The following TSTD2 variants were observed in gnomAD, a reference collection of about 807,000 sequenced individuals.
The protein encoded by TSTD2 is thiosulfate sulfurtransferase/rhodanese-like domain-containing protein 2.
In TSTD2, 37 loss-of-function variants were observed where a neutral mutation model predicts 47.9. The ratio of observed to expected loss-of-function variants is 0.77; its 90% CI spans 0.59 to 1.02. The LOEUF (loss-of-function observed/expected upper bound fraction) is 1.02. Ranked by LOEUF, TSTD2 falls within the 50% of genes least tolerant of loss-of-function variation. The pLI, the probability that TSTD2 is intolerant of heterozygous loss-of-function variation, is 0.00. For synonymous variants in TSTD2, 201 were observed against 215.9 expected (o/e 0.93, Z 0.61); for missense variants, 586 against 616.0 (o/e 0.95, Z 0.52).
At chr9:97,602,923 ACCAC>A (rs750064345) in intron 9 of TSTD2, 156 bp from the exon 10 acceptor site, 194 of 646,754 alleles carry the variant, frequency 3.0e-4, no homozygotes, top group Non-Finnish European at 4.5e-4. Context: ...ACAACAACTA[ACCAC>A]CACCCCCACC....
chr9:97,619,020 G>C (rs1826587809), intron 3 of TSTD2, among the ~76,000 whole-genome samples: 1 of 152,182 alleles, frequency 6.6e-6, no homozygotes, highest in Admixed American at 6.5e-5. Context: ...TAAATTCCCT[G>C]AAGTGTGGGG....
Position 97,601,178 on chromosome 9 carries a change from C to T in TSTD2, c.*1291G>A, listed in dbSNP as rs927580601. The T allele has an allele frequency of 1.5e-6, 2 of 1,297,028 alleles. No homozygotes were observed. The highest frequency in any genetic ancestry group is 1.5e-5 in the African/African-American group (1 of 65,492). The allele number at this position is 1,297,028 out of a possible 1,614,324, so 80.3% of individuals were successfully genotyped here. On this transcript the variant is annotated 3_prime_UTR_variant, in exon 10 of 10. Transcript: ENST00000341170. ...AGGGACAACCATCCCCATTTGGCTT[C>T]TCCTTAAAACACAATTGCAGCTGCA... is the stretch of plus-strand genomic sequence containing the variant.
chr9:97,618,986 T>C (rs547461802), intron 3 of TSTD2, among the ~76,000 whole-genome samples: 2 of 152,360 alleles, frequency 1.3e-5, no homozygotes, highest in East Asian at 3.9e-4. Context: ...ATGTGTCTTT[T>C]TCGTTGTTTT....
At position 97,604,878 on chromosome 9, in the gene TSTD2, AAAC is replaced by A. The variant is rs1826339300; in HGVS notation, c.1114-16_1114-14del. 2 of 1,612,294 alleles carry A rather than the reference AAAC, an allele frequency of 1.2e-6. No homozygotes were observed. Among genetic ancestry groups the A allele is most frequent in the Non-Finnish European group, 1.7e-6 (2 of 1,179,344 alleles). On this transcript the variant is annotated splice_polypyrimidine_tract_variant and intron_variant, in intron 8 of 9. Transcript: ENST00000341170. ...CCTTGCACACTCCCTAGGTGTGGAA[AAAC>A]AACAGGAAATCTGAAGAGCCAGCAG...
chr9:97,605,373 G>T, intron 8 of TSTD2, 110 bp downstream of exon 8: 2 of 1,368,564 alleles, frequency 1.5e-6, no homozygotes, highest in Non-Finnish European at 2.0e-6. Flanking sequence ...GGCATGCTTT[G>T]GCTGCCTGGG....
rs1217636564 is a variant in TSTD2 at position 97,625,789 on chromosome 9, A to G, written c.374T>C (p.Leu125Pro). 1 of 1,614,184 alleles carries G rather than the reference A, an allele frequency of 6.2e-7. No homozygotes were observed. The highest frequency in any genetic ancestry group is 8.5e-7 in the Non-Finnish European group (1 of 1,180,010). ...LAVTLSTSKS[L>P]SSADEKNPLK... ...AGGGTTCTTTTCATCTGCAGACGAAAGACTCTTTGAGGTGCTCAATGTCAC... is the reference window on the plus strand; with the variant it reads ...AGGGTTCTTTTCATCTGCAGACGAAGGACTCTTTGAGGTGCTCAATGTCAC... Residue 125 changes from leucine (L) to proline (P), a missense_variant, in exon 3 of 10, where the codon CTT (leucine) becomes CCT (proline). Physicochemically the swap from Leu to Pro is moderately conservative, Grantham distance 98. Transcript: ENST00000341170.
chr9:97,604,701 T>G (rs2131304924), intron 9 of TSTD2, 26 bp downstream of exon 9: 2 of 1,613,082 alleles, frequency 1.2e-6, no homozygotes, highest in East Asian at 4.5e-5. Context: ...CATTTCAGTT[T>G]GGGCTCTGAG....
intron 1 of TSTD2, among the ~76,000 whole-genome samples, chr9:97,628,735 T>C (rs1043516007): frequency 3.9e-5 from 6 of 152,108 alleles, no homozygotes; most frequent in African/African-American, 9.7e-5. Context: ...ATGACTGAGG[T>C]TGGGTTCTCA....
At chr9:97,626,919 A>G (rs1231199458) in intron 2 of TSTD2, among the ~76,000 whole-genome samples, 2 of 83,018 alleles carry the variant, frequency 2.4e-5, no homozygotes, top group Non-Finnish European at 5.0e-5. Flanking sequence ...AAGAAATGCT[A>G]CCCTATTTTT....
At chr9:97,609,586 A>G (rs1826423748) in intron 6 of TSTD2, among the ~76,000 whole-genome samples, 1 of 152,256 alleles carries the variant, frequency 6.6e-6, no homozygotes, top group Middle Eastern at 3.2e-3. Context: ...TGACTAAACC[A>G]ACTAGATATT....
chr9:97,626,195 G>C (rs886737729), intron 2 of TSTD2, among the ~76,000 whole-genome samples, 198 bp from the exon 3 acceptor site: 21 of 151,134 alleles, frequency 1.4e-4, no homozygotes, highest in Non-Finnish European at 2.6e-4. Context: ...ATTAAAACTA[G>C]GCTTTATATT....
chr9:97,604,890 A>G (rs1826339512), intron 8 of TSTD2, 25 bp from the exon 9 acceptor site: 1 of 1,612,192 alleles, frequency 6.2e-7, no homozygotes, highest in African/African-American at 1.3e-5. Flanking sequence ...ACAACAGGAA[A>G]TCTGAAGAGC....
chr9:97,605,769 C>G, intron 7 of TSTD2, 128 bp from the exon 8 acceptor site: 1 of 1,219,834 alleles, frequency 8.2e-7, no homozygotes, highest in South Asian at 1.5e-5. Context: ...CTCATCCCCA[C>G]TCTGACCTTT....
In TSTD2 at chr9:97,601,223, G is replaced by A; in HGVS notation, c.*1246C>T. 7.8e-7 allele frequency: 1 copy of A among 1,275,888 alleles called. No individual in the cohort carries two copies. Among genetic ancestry groups the A allele is most frequent in the South Asian group, 1.3e-5 (1 of 76,240 alleles). 79.0% of individuals were successfully genotyped at this position (1,275,888 alleles called of 1,614,324 possible). ...GCTGCATTCTGCATCGCTGAAAACTGCAATATAATATTAAATCTGTTGGTC... is the reference window on the plus strand; with the variant it reads ...GCTGCATTCTGCATCGCTGAAAACTACAATATAATATTAAATCTGTTGGTC... On this transcript the variant is annotated 3_prime_UTR_variant, in exon 10 of 10. Transcript: ENST00000341170.
chr9:97,602,101 T>C lies in TSTD2; in HGVS notation c.*368A>G, dbSNP rs1330021720. The C allele has an allele frequency of 5.4e-6, 1 of 184,036 alleles. No homozygotes were observed. Among genetic ancestry groups the C allele is most frequent in the Non-Finnish European group, 1.1e-5 (1 of 89,894 alleles). 11.4% of individuals were successfully genotyped at this position (184,036 alleles called of 1,614,324 possible). On this transcript the variant is annotated 3_prime_UTR_variant, in exon 10 of 10. Coordinates refer to ENST00000341170, the MANE Select transcript of TSTD2 (RefSeq NM_139246.5). Reference sequence around the variant, plus strand: ...GCCACTCCCAGGGCCACAGCTTTCATGTGTTTGCCACCAGGGTAGAAGGTC... The same window carrying C: ...GCCACTCCCAGGGCCACAGCTTTCACGTGTTTGCCACCAGGGTAGAAGGTC...
chr9:97,625,462 T>C (rs1481827107), intron 3 of TSTD2, among the ~76,000 whole-genome samples: 1 of 152,206 alleles, frequency 6.6e-6, no homozygotes, highest in East Asian at 1.9e-4. Flanking sequence ...ACAGGAACGA[T>C]GCATGTTTAA....
At chr9:97,604,648 T>G in intron 9 of TSTD2, 79 bp downstream of exon 9, 1 of 1,593,192 alleles carries the variant, frequency 6.3e-7, no homozygotes, top group Admixed American at 1.7e-5. Context: ...TGGCCTGTCT[T>G]CCCTGTGTCA....
intron 1 of TSTD2, among the ~76,000 whole-genome samples, chr9:97,630,937 T>G (rs569860643): frequency 2.0e-5 from 3 of 152,328 alleles, no homozygotes; most frequent in African/African-American, 7.2e-5. Context: ...TGTGTGAATT[T>G]TACACTGTGT....
intron 3 of TSTD2, among the ~76,000 whole-genome samples, chr9:97,621,512 T>C (rs766578893): frequency 6.6e-6 from 1 of 152,118 alleles, no homozygotes; most frequent in Non-Finnish European, 1.5e-5. Flanking sequence ...AGAAAATGAG[T>C]AGAAGAAATA....
Sources: allele counts gnomAD v4.1 joint callset (sites outside exome capture counted in the v4.1 genomes callset), GRCh38; gene constraint gnomAD v4.1.1; transcripts MANE v1.5; gene names NCBI Gene and HGNC (gene_info 2026-07-23, HGNC 2026-07-21).